Variants in TEAD4 observed in about 807,000 individuals in gnomAD.
TEAD4 encodes the protein TEA domain transcription factor 4, also known as transcriptional enhancer factor TEF-3.
TEAD4 carries 36 observed loss-of-function variants against 52.4 expected under a neutral mutation model. That is an observed-to-expected ratio of 0.69 (90% CI 0.53 to 0.91). The LOEUF (loss-of-function observed/expected upper bound fraction) is 0.91. Ranked by LOEUF, TEAD4 falls within the 40% of genes least tolerant of loss-of-function variation. TEAD4 has a pLI of 0.00. For synonymous variants in TEAD4, 220 were observed against 231.0 expected (o/e 0.95, Z 0.43); for missense variants, 508 against 583.9 (o/e 0.87, Z 1.34).
At position 3,021,994 on chromosome 12, in the gene TEAD4, G is replaced by A. The variant is rs534152841; in HGVS notation, c.874G>A (p.Ala292Thr). 2 of 1,614,182 alleles carry A rather than the reference G, an allele frequency of 1.2e-6. No individual in the cohort carries two copies. Among genetic ancestry groups the A allele is most frequent in the Admixed American group, 1.7e-5 (1 of 60,014 alleles). The change falls in exon 10 of 13, where the codon GCC (alanine) becomes ACC (threonine). Residue 292 changes from alanine (A) to threonine (T), a missense_variant. By Grantham distance (58) the Ala-to-Thr change is moderately conservative. Transcript: ENST00000359864. ...TCTCTTCGAACGGGGACCCTCCAAT[G>A]CCTTTTTTCTTGTGAAGTTCTGGGT...
chr12:3,037,943 T>G, intron 10 of TEAD4, 25 bp from the exon 11 acceptor site: 1 of 1,602,954 alleles, frequency 6.2e-7, no homozygotes, highest in Non-Finnish European at 8.5e-7. Context: ...TGACACTCCC[T>G]CGCCTTCCCA....
At chr12:3,032,192 C>T (rs894901949) in intron 10 of TEAD4, among the ~76,000 whole-genome samples, 2 of 152,196 alleles carry the variant, frequency 1.3e-5, no homozygotes, top group African/African-American at 2.4e-5. Flanking sequence ...TGGCCTGTGT[C>T]CTCTCTTTCT....
chr12:3,008,229 T>A (rs950426869), intron 3 of TEAD4, among the ~76,000 whole-genome samples: 1 of 151,472 alleles, frequency 6.6e-6, no homozygotes, highest in Non-Finnish European at 1.5e-5. Context: ...CTCAGTGGGG[T>A]GGTCAGGGAA....
rs1419321381 is a variant in TEAD4 at position 2,964,674 on chromosome 12, G to A, written c.-30+4634G>A. The stretch of plus-strand genomic sequence containing the variant: ...TTTAACAGAGACAGGGTATTTCCAT[G>A]TTGGCCAGGCTGGTCTCGAACTCCC... On this transcript the variant is annotated intron_variant, in intron 2 of 12. Transcript: ENST00000359864. Among the ~76,000 whole-genome samples the A allele has an allele frequency of 3.6e-5, 5 of 139,078 alleles. No homozygotes were observed. In the East Asian group the frequency reaches 8.4e-4, roughly 23 times the overall value. The allele number at this position is 139,078 out of a possible 152,430, so 91.2% of individuals were successfully genotyped here. A position where few individuals can be genotyped will look rare whatever the true frequency, so the allele number is the denominator to read the frequency against.
At position 2,990,461 on chromosome 12, in the gene TEAD4, C is replaced by CTTTTTTTTTTTTTTTTTTTTTTTTTT. The variant is rs71057876; in HGVS notation, c.-29-4275_-29-4250dup. Among the ~76,000 whole-genome samples the CTTTTTTTTTTTTTTTTTTTTTTTTTT allele has an allele frequency of 1.0e-4, 7 of 67,038 alleles. 2 individuals are homozygous for CTTTTTTTTTTTTTTTTTTTTTTTTTT. The highest frequency in any genetic ancestry group is 4.1e-4 in the African/African-American group (7 of 17,018). 44.0% of individuals were successfully genotyped at this position (67,038 alleles called of 152,430 possible). A position where few individuals can be genotyped will look rare whatever the true frequency, so the allele number is the denominator to read the frequency against. On this transcript the variant is annotated intron_variant, in intron 2 of 12. Coordinates refer to ENST00000359864, the MANE Select transcript of TEAD4 (RefSeq NM_003213.4). Reference sequence around the variant, plus strand: ...TAGAATTTAGGCTAAGACAGATAATCTTTTTTTTTTTTTTTTTTTTTTTTT... The same window carrying CTTTTTTTTTTTTTTTTTTTTTTTTTT: ...TAGAATTTAGGCTAAGACAGATAATCTTTTTTTTTTTTTTTTTTTTTTTTTTTTTTTTTTTTTTTTTTTTTTTTTTT...
At chr12:3,040,327 T>C in intron 12 of TEAD4, 38 bp from the exon 13 acceptor site, 2 of 1,613,250 alleles carry the variant, frequency 1.2e-6, no homozygotes, top group East Asian at 2.2e-5. Context: ...ATGCCCCTTC[T>C]GGGGCCTTAT....
chr12:2,962,207 C>G (rs369500089), intron 2 of TEAD4, among the ~76,000 whole-genome samples: 1 of 148,476 alleles, frequency 6.7e-6, no homozygotes, highest in Non-Finnish European at 1.5e-5. Context: ...TCACTGCAAC[C>G]TCCGCCTCCT....
chr12:3,029,776 G>C (rs1256558759), intron 10 of TEAD4, among the ~76,000 whole-genome samples: 1 of 152,166 alleles, frequency 6.6e-6, no homozygotes, highest in African/African-American at 2.4e-5. Context: ...ATTTGTTCTG[G>C]TTATATTTAG....
At chr12:2,979,136 G>A (rs1418249694) in intron 2 of TEAD4, among the ~76,000 whole-genome samples, 3 of 152,040 alleles carry the variant, frequency 2.0e-5, no homozygotes, top group Admixed American at 6.6e-5. Context: ...GGCTGGTCTC[G>A]AGCTCCCGAC....
At chr12:2,984,334 G>T (rs1229654264) in intron 2 of TEAD4, among the ~76,000 whole-genome samples, 1 of 152,162 alleles carries the variant, frequency 6.6e-6, no homozygotes. Flanking sequence ...AAAATCACTG[G>T]CTGGGGTGAA....
intron 10 of TEAD4, among the ~76,000 whole-genome samples, chr12:3,030,922 C>T (rs1005675202): frequency 3.3e-5 from 5 of 152,256 alleles, no homozygotes; most frequent in African/African-American, 1.2e-4. Flanking sequence ...CAGGACGTGG[C>T]CAGGGTTGTG....
At chr12:2,986,675 T>A (rs968504797) in intron 2 of TEAD4, among the ~76,000 whole-genome samples, 1 of 151,418 alleles carries the variant, frequency 6.6e-6, no homozygotes, top group Non-Finnish European at 1.5e-5. Context: ...AAAATAGATA[T>A]AATAAAAAGA....
chr12:2,984,632 G>A (rs111231847), intron 2 of TEAD4, among the ~76,000 whole-genome samples: 118 of 152,242 alleles, frequency 7.8e-4, no homozygotes, highest in South Asian at 4.6e-3. Context: ...TATAGCCTAC[G>A]ACACACCCAG....
At chr12:2,997,303 G>T (rs892403391) in intron 3 of TEAD4, among the ~76,000 whole-genome samples, 1 of 152,218 alleles carries the variant, frequency 6.6e-6, no homozygotes, top group African/African-American at 2.4e-5. Flanking sequence ...CTCCTGTGAA[G>T]TCCCTTCCAC....
intron 10 of TEAD4, among the ~76,000 whole-genome samples, chr12:3,035,095 C>T (rs780594584): frequency 7.4e-6 from 1 of 134,692 alleles, no homozygotes; most frequent in Non-Finnish European, 1.7e-5. Flanking sequence ...AGCGAGATTC[C>T]GTCTCAAAAA....
rs1262894144 is a variant in TEAD4, at chr12:2,959,856, G to A, written c.-122-92G>A. ...GCACCGGGGCCGGTCGGCGCGGGGTGGGCTTGGCCCCGCGGCCCCGCCTTC... is the reference window on the plus strand; with the variant it reads ...GCACCGGGGCCGGTCGGCGCGGGGTAGGCTTGGCCCCGCGGCCCCGCCTTC... On this transcript the variant is annotated intron_variant, in intron 1 of 12. Coordinates refer to ENST00000359864, the MANE Select transcript of TEAD4 (RefSeq NM_003213.4). This position sits in a 1 kb window ranked among gnomAD's most constrained non-coding sequence, Gnocchi z 5.1. 6.6e-6 allele frequency: 1 copy of A among 151,640 alleles called. No homozygotes were observed. Among genetic ancestry groups the A allele is most frequent in the Non-Finnish European group, 1.5e-5 (1 of 67,936 alleles). The allele number at this position is 151,640 out of a possible 1,614,324, so 9.4% of individuals were successfully genotyped here. A position where few individuals can be genotyped will look rare whatever the true frequency, so the allele number is the denominator to read the frequency against.
chr12:3,010,937 C>CG, intron 3 of TEAD4, 67 bp from the exon 4 acceptor site: 1 of 1,579,266 alleles, frequency 6.3e-7, no homozygotes, highest in Non-Finnish European at 8.7e-7. Flanking sequence ...GAAGGTACCC[C>CG]GCACCCCCTC....
At chr12:2,993,284 G>T (rs1308677355) in intron 2 of TEAD4, among the ~76,000 whole-genome samples, 1 of 151,998 alleles carries the variant, frequency 6.6e-6, no homozygotes, top group Non-Finnish European at 1.5e-5. Flanking sequence ...ACGAGCTCCT[G>T]GTAACCACCA....
chr12:2,993,526 A>G (rs2098244823), intron 2 of TEAD4, among the ~76,000 whole-genome samples: 1 of 152,154 alleles, frequency 6.6e-6, no homozygotes, highest in Admixed American at 6.5e-5. Flanking sequence ...GCTGGAGTGC[A>G]GTGGCGCAAT....
Sources: allele counts gnomAD v4.1 joint callset (sites outside exome capture counted in the v4.1 genomes callset), GRCh38; gene constraint gnomAD v4.1.1; non-coding constraint Gnocchi (gnomAD v3.1); transcripts MANE v1.5; gene names NCBI Gene and HGNC (gene_info 2026-07-23, HGNC 2026-07-21).